GDAP1L1: variants seen among roughly 807,000 people sequenced by gnomAD.
GDAP1L1 encodes ganglioside-induced differentiation-associated protein 1-like 1.
Under a neutral mutation model 37.1 loss-of-function variants are expected in GDAP1L1, and 21 were observed. The observed-to-expected ratio is 0.57, with a 90% CI of 0.40 to 0.81. GDAP1L1 has a LOEUF of 0.81. GDAP1L1 is among the 40% of genes least tolerant of loss of function. GDAP1L1 has a pLI of 0.00. For missense variants in GDAP1L1, 362 were observed against 491.6 expected, an observed-to-expected ratio of 0.74 and a Z score of 2.49; for synonymous variants, 193 against 209.1, an observed-to-expected ratio of 0.92 and a Z score of 0.67.
intron 5 of GDAP1L1, among the ~76,000 whole-genome samples, chr20:44,269,611 G>A (rs1029760756): frequency 2.0e-5 from 3 of 152,094 alleles, no homozygotes; most frequent in Non-Finnish European, 4.4e-5. Context: ...TTTACATGAG[G>A]GTTGGGAGTG....
rs2062630442 is a variant in GDAP1L1, at chr20:44,280,654, G to A, written c.*1354G>A. 6.6e-6 allele frequency: 1 copy of A among 152,412 alleles called. No individual in the cohort carries two copies. The highest frequency in any genetic ancestry group is 3.4e-3 in the Middle Eastern group (1 of 294). 9.4% of individuals were successfully genotyped at this position (152,412 alleles called of 1,614,324 possible). A position where few individuals can be genotyped will look rare whatever the true frequency, so the allele number is the denominator to read the frequency against. On this transcript the variant is annotated 3_prime_UTR_variant, in exon 6 of 6. Transcript: ENST00000342560. ...TCATTAACCTGTGCAAGGGCCAGGT[G>A]TAGTGACTCATATTTATAATCCCAG...
intron 5 of GDAP1L1, among the ~76,000 whole-genome samples, chr20:44,278,567 G>T (rs1260337242): frequency 2.0e-5 from 3 of 151,964 alleles, no homozygotes; most frequent in African/African-American, 7.2e-5. Flanking sequence ...TTTTAGTAGA[G>T]ATGGGGTTTC....
At chr20:44,247,131 T>C, upstream of GDAP1L1, 1 of 604,824 alleles carries the variant, frequency 1.7e-6, no homozygotes, top group Admixed American at 3.0e-5. Flanking sequence ...CTGGCGGCTT[T>C]TCTGGCGCGG....
At position 44,247,512 on chromosome 20, in the gene GDAP1L1, A is replaced by G; in HGVS notation, c.178A>G (p.Lys60Glu). The G allele has an allele frequency of 6.6e-7, 1 of 1,505,936 alleles. No individual in the cohort carries two copies. Among genetic ancestry groups the G allele is most frequent in the Non-Finnish European group, 8.9e-7 (1 of 1,124,544 alleles). 93.3% of individuals were successfully genotyped at this position (1,505,936 alleles called of 1,614,324 possible). A position where few individuals can be genotyped will look rare whatever the true frequency, so the allele number is the denominator to read the frequency against. ...CTGGACCCAGTCCTTCAGCTCGCAG[A>G]AGGTAGAGCCGGGCCGGGAGCCGCC... ...YHWTQSFSSQ[K>E]VRLVIAEKGL... Residue 60 changes from lysine (K) to glutamate (E), a missense_variant and splice_region_variant, in exon 1 of 6, where the codon AAG becomes GAG. Coordinates refer to ENST00000342560, the MANE Select transcript of GDAP1L1 (RefSeq NM_024034.6).
chr20:44,265,583 C>A, intron 5 of GDAP1L1: 2 of 705,966 alleles, frequency 2.8e-6, no homozygotes, highest in Non-Finnish European at 3.5e-6. Context: ...TAACCTTGGA[C>A]AAGTTGCTTT....
chr20:44,278,826 G>A (rs979660390), intron 5 of GDAP1L1, 131 bp from the exon 6 acceptor site: 11 of 624,812 alleles, frequency 1.8e-5, no homozygotes, highest in African/African-American at 1.3e-4. Context: ...AATCACTGAA[G>A]TTGTACAGGA....
At chr20:44,256,142 T>C (rs1296986464) in intron 1 of GDAP1L1, among the ~76,000 whole-genome samples, 2 of 152,194 alleles carry the variant, frequency 1.3e-5, no homozygotes, top group African/African-American at 2.4e-5. Flanking sequence ...TGCTGCTGAA[T>C]TGCTGTGTGA....
At chr20:44,247,223 A>T, upstream of GDAP1L1, 1 of 1,069,728 alleles carries the variant, frequency 9.3e-7, no homozygotes, top group Non-Finnish European at 1.4e-6. Flanking sequence ...ACATTCACGG[A>T]GCGGGGAGGG....
At chr20:44,271,588 G>A (rs1012207322) in intron 5 of GDAP1L1, among the ~76,000 whole-genome samples, 1 of 152,212 alleles carries the variant, frequency 6.6e-6, no homozygotes, top group Non-Finnish European at 1.5e-5. Flanking sequence ...TGAAGGCGGT[G>A]AGTGTAGATA....
Position 44,263,272 on chromosome 20 carries a change from A to C in GDAP1L1, c.590A>C (p.His197Pro), listed in dbSNP as rs750447945. 32 of 1,614,036 alleles carry C rather than the reference A, an allele frequency of 2.0e-5. No homozygotes were observed. Among genetic ancestry groups the C allele is most frequent in the Non-Finnish European group, 2.5e-5 (29 of 1,180,018 alleles). The change falls in exon 4 of 6, where the codon CAT (histidine) becomes CCT (proline). Residue 197 changes from histidine to proline, a missense_variant. Around this residue, in one of 2 missense-constraint regions of GDAP1L1, gnomAD observed 277 missense variants for 337.1 expected, o/e 0.82. Transcript: ENST00000342560. Reference sequence around the variant, plus strand: ...ACCACGGACCTCATGAAACTGGACCATGAAGAGGAGCCCCAGCTCTCCGAG... The same window carrying C: ...ACCACGGACCTCATGAAACTGGACCCTGAAGAGGAGCCCCAGCTCTCCGAG... The part of the protein sequence containing the change: ...NATTDLMKLD[H>P]EEEPQLSEPY...
rs767746391 is a variant in GDAP1L1, at chr20:44,264,603, G to A, written c.760+44G>A. 3.1e-6 allele frequency: 5 copies of A among 1,593,576 alleles called. No individual in the cohort carries two copies. The Admixed American group carries it at 8.8e-5, about 28-fold the overall frequency. ...GGAGGTGGGGGCTGCAGCCCACCCA[G>A]CCTACTCTTCCCCTGCCCAGTCTCA... is the stretch of plus-strand genomic sequence containing the variant. On this transcript the variant is annotated intron_variant, in intron 5 of 5. Coordinates refer to ENST00000342560, the MANE Select transcript of GDAP1L1 (RefSeq NM_024034.6).
rs902712368 is a variant in GDAP1L1, at chr20:44,247,528, G to A, written c.180+14G>A. Reference sequence around the variant, plus strand: ...AGCTCGCAGAAGGTAGAGCCGGGCCGGGAGCCGCCTGCGCCGGTGGCCAGG... The same window carrying A: ...AGCTCGCAGAAGGTAGAGCCGGGCCAGGAGCCGCCTGCGCCGGTGGCCAGG... On this transcript the variant is annotated intron_variant, in intron 1 of 5. Transcript: ENST00000342560. The A allele has an allele frequency of 4.7e-6, 7 of 1,483,896 alleles. No homozygotes were observed. The highest frequency in any genetic ancestry group is 2.6e-5 in the East Asian group (1 of 39,058). 91.9% of individuals were successfully genotyped at this position (1,483,896 alleles called of 1,614,324 possible). A position where few individuals can be genotyped will look rare whatever the true frequency, so the allele number is the denominator to read the frequency against.
intron 5 of GDAP1L1, among the ~76,000 whole-genome samples, chr20:44,269,861 G>A (rs2062494512): frequency 6.6e-6 from 1 of 152,176 alleles, no homozygotes; most frequent in South Asian, 2.1e-4. Flanking sequence ...AACCTGGGAG[G>A]CGGAGGTTGC....
At chr20:44,253,383 C>A (rs143547177) in intron 1 of GDAP1L1, among the ~76,000 whole-genome samples, 1 of 152,152 alleles carries the variant, frequency 6.6e-6, no homozygotes, top group African/African-American at 2.4e-5. Flanking sequence ...TAAAACTGCT[C>A]TAAAAATAAG....
At chr20:44,257,960 C>T (rs985428861) in intron 2 of GDAP1L1, among the ~76,000 whole-genome samples, 10 of 152,272 alleles carry the variant, frequency 6.6e-5, no homozygotes, top group African/African-American at 2.4e-4. Context: ...GGCCCAGGTA[C>T]CCCAGAACCT....
chr20:44,263,174 G>C (rs2073703432), intron 3 of GDAP1L1, 56 bp from the exon 4 acceptor site: 2 of 1,368,084 alleles, frequency 1.5e-6, no homozygotes, highest in Admixed American at 3.4e-5. Flanking sequence ...TAAGGCAGGT[G>C]ATGGGGGAGC....
intron 5 of GDAP1L1, among the ~76,000 whole-genome samples, chr20:44,272,219 G>A (rs2062525031): frequency 2.0e-5 from 3 of 152,224 alleles, no homozygotes; most frequent in Non-Finnish European, 4.4e-5. Context: ...GACGTGGCAT[G>A]GAGCAGGTGC....
At chr20:44,248,262 G>A (rs370526239) in intron 1 of GDAP1L1, among the ~76,000 whole-genome samples, 10 of 152,256 alleles carry the variant, frequency 6.6e-5, no homozygotes, top group African/African-American at 2.4e-4. Flanking sequence ...GGGTAAGGCT[G>A]TGAACTGCAC....
intron 4 of GDAP1L1, 26 bp from the exon 5 acceptor site, chr20:44,264,419 T>C (rs771580766): frequency 1.4e-6 from 2 of 1,451,638 alleles, no homozygotes; most frequent in East Asian, 2.5e-5. Context: ...CCAACTCAGC[T>C]TCTCTTGGCC....
Sources: allele counts gnomAD v4.1 joint callset (sites outside exome capture counted in the v4.1 genomes callset), GRCh38; gene constraint gnomAD v4.1.1; regional missense constraint gnomAD v4.1.1; transcripts MANE v1.5; gene names NCBI Gene and HGNC (gene_info 2026-07-23, HGNC 2026-07-21).